Variants in MLIP observed in about 807,000 individuals in gnomAD.
MLIP encodes the protein muscular LMNA-interacting protein.
Under a neutral mutation model 84.8 loss-of-function variants are expected in MLIP, and 79 were observed. The observed-to-expected ratio is 0.93, with a 90% confidence interval of 0.78 to 1.12. The LOEUF is 1.12. Ranked by LOEUF, MLIP falls within the 50% of genes most tolerant of loss-of-function variation. The pLI, the probability that MLIP is intolerant of heterozygous loss-of-function variation, is 0.00. For missense variants in MLIP, 1,257 were observed against 1,160.6 expected (o/e 1.08, Z -1.21); for synonymous variants, 504 against 463.0 (o/e 1.09, Z -1.14).
At chr6:54,155,369 A>G (rs1486172600) in intron 5 of MLIP, among the ~76,000 whole-genome samples, 1 of 152,140 alleles carries the variant, frequency 6.6e-6, no homozygotes, top group Non-Finnish European at 1.5e-5. Context: ...ACCAAATAGC[A>G]GGTCATATTA....
intron 1 of MLIP, among the ~76,000 whole-genome samples, chr6:54,061,606 C>T (rs1765968731): frequency 6.6e-6 from 1 of 152,160 alleles, no homozygotes; most frequent in African/African-American, 2.4e-5. Flanking sequence ...GTAGGACATA[C>T]AAATTGAATT....
At chr6:54,149,943 A>G (rs1561985595) in intron 5 of MLIP, among the ~76,000 whole-genome samples, 1 of 152,074 alleles carries the variant, frequency 6.6e-6, no homozygotes, top group Non-Finnish European at 1.5e-5. Context: ...TTCATATATT[A>G]TTTTTATGAT....
chr6:54,261,041 C>T (rs9357795), intron 13 of MLIP, among the ~76,000 whole-genome samples: 19,737 of 151,978 alleles, frequency 0.13, 1,450 homozygotes, highest in African/African-American at 0.18. Context: ...TTACTGTTCA[C>T]ACCAATGCAG....
At chr6:54,076,707 C>A (rs995829815) in intron 1 of MLIP, among the ~76,000 whole-genome samples, 1 of 152,070 alleles carries the variant, frequency 6.6e-6, no homozygotes, top group East Asian at 1.9e-4. Context: ...AAAATCAAAG[C>A]CTGAATACAA....
chr6:54,174,700 C>T (rs2150610498), intron 9 of MLIP, among the ~76,000 whole-genome samples: 1 of 150,838 alleles, frequency 6.6e-6, no homozygotes, highest in African/African-American at 2.5e-5. Context: ...TGTGGATTAT[C>T]CCTTCACTTT....
chr6:54,060,989 T>C (rs1007407095), intron 1 of MLIP, among the ~76,000 whole-genome samples: 1 of 151,398 alleles, frequency 6.6e-6, no homozygotes, highest in Non-Finnish European at 1.5e-5. Context: ...CTGTTTCTTT[T>C]TTTTTTTTTT....
intron 9 of MLIP, among the ~76,000 whole-genome samples, chr6:54,182,179 C>A (rs1776944845): frequency 1.3e-5 from 2 of 152,190 alleles, no homozygotes; most frequent in South Asian, 2.1e-4. Context: ...CCAAGAGAGT[C>A]AACTTCCAGC....
Position 54,215,575 on chromosome 6 carries a change from G to A in MLIP, c.2718+13342G>A, listed in dbSNP as rs1779802414. 3.2e-5 allele frequency: 7 copies of A among 220,578 alleles called. No individual in the cohort carries two copies. The South Asian group carries it at 9.4e-4, about 30-fold the overall frequency. The allele number at this position is 220,578 out of a possible 1,614,324, so 13.7% of individuals were successfully genotyped here. A position where few individuals can be genotyped will look rare whatever the true frequency, so the allele number is the denominator to read the frequency against. On this transcript the variant is annotated intron_variant, in intron 11 of 13. Coordinates refer to ENST00000502396, the MANE Select transcript of MLIP (RefSeq NM_001281747.2). The stretch of plus-strand genomic sequence containing the variant: ...GATTACCACAGTTAAATTAATCAAT[G>A]TAACTATTAATGTACTAGTTACTCT...
intron 1 of MLIP, among the ~76,000 whole-genome samples, chr6:54,103,869 A>G (rs1463723042): frequency 1.3e-5 from 2 of 152,176 alleles, no homozygotes; most frequent in Non-Finnish European, 2.9e-5. Context: ...GTTGCTTCTG[A>G]AACTCAATAT....
chr6:54,123,586 T>C (rs1413164179), intron 2 of MLIP, among the ~76,000 whole-genome samples: 1 of 152,202 alleles, frequency 6.6e-6, no homozygotes, highest in Non-Finnish European at 1.5e-5. Context: ...GCACACACAG[T>C]ACACATTAAA....
intron 11 of MLIP, chr6:54,215,014 C>T (rs1196743773): frequency 2.7e-5 from 17 of 628,692 alleles, no homozygotes; most frequent in Non-Finnish European, 1.9e-5. Flanking sequence ...ATCCCTCCCT[C>T]ATGTAGCTTA....
At chr6:54,243,472 G>A (rs1781875270) in intron 12 of MLIP, among the ~76,000 whole-genome samples, 1 of 152,178 alleles carries the variant, frequency 6.6e-6, no homozygotes, top group African/African-American at 2.4e-5. Context: ...AAAGCAGGGA[G>A]TGAGTTGAGA....
At chr6:54,200,347 G>A (rs934335684) in intron 10 of MLIP, among the ~76,000 whole-genome samples, 4 of 151,572 alleles carry the variant, frequency 2.6e-5, no homozygotes, top group Non-Finnish European at 5.9e-5. Context: ...GTGACACCAA[G>A]CTTAGCCCCT....
intron 1 of MLIP, among the ~76,000 whole-genome samples, chr6:54,115,971 T>C (rs1369710640): frequency 1.3e-5 from 2 of 152,188 alleles, no homozygotes; most frequent in Non-Finnish European, 2.9e-5. Context: ...ATTTTTTTAA[T>C]TGCTCACTGA....
chr6:54,148,597 T>A (rs1185887692), intron 4 of MLIP, among the ~76,000 whole-genome samples: 1 of 152,146 alleles, frequency 6.6e-6, no homozygotes, highest in Non-Finnish European at 1.5e-5. Flanking sequence ...TGATCTCTGT[T>A]TTTACGGATG....
chr6:54,137,957 C>T lies in MLIP; in HGVS notation c.1888C>T (p.Gln630Ter). The T allele has an allele frequency of 2.0e-6, 3 of 1,536,040 alleles. No individual in the cohort carries two copies. The highest frequency in any genetic ancestry group is 2.6e-6 in the Non-Finnish European group (3 of 1,146,866). ...AAACAGATCTAAAAGAGCATCATCC[C>T]AACTATCTGGCCAGGAGCTGAATCC... ...LINRSKRASS[Q>*]LSGQELNPSA... is the part of the protein sequence containing the mutation. Residue 630 changes from glutamine to a stop codon, truncating the protein, a stop_gained, in exon 4 of 14, where the codon CAA becomes TAA. Transcript: ENST00000502396. LOFTEE classifies it high-confidence loss of function.
At chr6:54,217,180 A>G (rs1373413564) in intron 11 of MLIP, 2 of 985,260 alleles carry the variant, frequency 2.0e-6, no homozygotes, top group Non-Finnish European at 2.4e-6. Flanking sequence ...TTGTACTCAG[A>G]CAGAAAACCG....
intron 1 of MLIP, among the ~76,000 whole-genome samples, chr6:54,115,678 T>C (rs1011542869): frequency 3.9e-5 from 6 of 152,166 alleles, no homozygotes; most frequent in African/African-American, 1.2e-4. Context: ...GAAAGAAGCA[T>C]TTAATACGGG....
At chr6:54,111,382 A>G, upstream of MLIP, 2 of 1,483,912 alleles carry the variant, frequency 1.3e-6, no homozygotes, top group Non-Finnish European at 8.9e-7. Context: ...TCTTTTTAGA[A>G]TTTCTTCTTT....
Sources: allele counts gnomAD v4.1 joint callset (sites outside exome capture counted in the v4.1 genomes callset), GRCh38; gene constraint gnomAD v4.1.1; transcripts MANE v1.5; gene names NCBI Gene and HGNC (gene_info 2026-07-23, HGNC 2026-07-21).